The following RPS3 variants were observed in gnomAD, a reference collection of about 807,000 sequenced individuals.
RPS3 encodes small ribosomal subunit protein uS3.
Under a neutral mutation model 25.8 loss-of-function variants are expected in RPS3, and 2 were observed. The ratio of observed to expected loss-of-function variants is 0.08; its 90% CI spans 0.03 to 0.24. RPS3 has a LOEUF of 0.24. Among genes scored for constraint, RPS3 ranks in the 10% least tolerant of loss-of-function variants. The pLI is 1.00. For missense variants in RPS3, 107 were observed against 307.1 expected, an observed-to-expected ratio of 0.35 and a Z score of 4.87; for synonymous variants, 114 against 114.2, an observed-to-expected ratio of 1.00 and a Z score of 0.01.
chr11:75,413,436 T>G (rs539171105), intron 6 of RPS3, among the ~76,000 whole-genome samples: 1 of 152,216 alleles, frequency 6.6e-6, no homozygotes, highest in South Asian at 2.1e-4. Flanking sequence ...TTTTGTATTT[T>G]TAGTAGAGAC....
At chr11:75,400,434 C>T (rs1439503634) in intron 1 of RPS3, 1 of 571,158 alleles carries the variant, frequency 1.8e-6, no homozygotes, top group African/African-American at 1.9e-5. Context: ...GGGATGTTCT[C>T]TTTGCCCAGG....
At chr11:75,402,727 C>T (rs1948230047) in intron 4 of RPS3, 1 of 217,720 alleles carries the variant, frequency 4.6e-6, no homozygotes, top group African/African-American at 2.2e-5. Context: ...GGACCAACTC[C>T]TGTTGGTCTT....
chr11:75,410,078 C>A (rs1353488755), downstream of RPS3, among the ~76,000 whole-genome samples: 3 of 140,410 alleles, frequency 2.1e-5, no homozygotes, highest in Non-Finnish European at 3.0e-5. Context: ...CTGACCCCCC[C>A]CTCCCCCCTC....
At chr11:75,400,628 A>T in intron 1 of RPS3, 66 bp from the exon 2 acceptor site, 1 of 1,593,220 alleles carries the variant, frequency 6.3e-7, no homozygotes, top group Non-Finnish European at 8.6e-7. Context: ...ATAAGACTAG[A>T]CTGGCTCAGG....
At chr11:75,411,161 C>G (rs1443081740), downstream of RPS3, among the ~76,000 whole-genome samples, 4 of 152,074 alleles carry the variant, frequency 2.6e-5, no homozygotes, top group Admixed American at 6.5e-5. Flanking sequence ...CAGGCATGAG[C>G]CACCGTGCCC....
Position 75,404,619 on chromosome 11 carries a change from G to T in RPS3, c.539-53G>T. 5 of 1,552,584 alleles carry T rather than the reference G, an allele frequency of 3.2e-6. No individual in the cohort carries two copies. Among genetic ancestry groups the T allele is most frequent in the Non-Finnish European group, 4.4e-6 (5 of 1,127,468 alleles). On this transcript the variant is annotated intron_variant, in intron 5 of 6. Coordinates refer to ENST00000531188, the MANE Select transcript of RPS3 (RefSeq NM_001005.5). The surrounding 1 kb of genome is among the most constrained non-coding windows in gnomAD (Gnocchi z 4.6). ...CTGCTTGCTCTCTTTGGTCTTGTGT[G>T]ATGGGGGCCTTTGAGACCCCAGCTG...
intron 6 of RPS3, among the ~76,000 whole-genome samples, chr11:75,416,017 A>C (rs910405379): frequency 8.3e-4 from 127 of 152,176 alleles, no homozygotes; most frequent in African/African-American, 3.0e-3. Flanking sequence ...TCATTGTAGA[A>C]AACTTGGACA....
chr11:75,400,699 C>A lies in RPS3; in HGVS notation c.36C>A (p.Val12=). 1.2e-6 allele frequency: 2 copies of A among 1,612,180 alleles called. No homozygotes were observed. Among genetic ancestry groups the A allele is most frequent in the South Asian group, 2.2e-5 (2 of 90,980 alleles). The change falls in exon 2 of 7, where the codon GTC becomes GTA. Residue 12 remains valine, a synonymous_variant. Coordinates refer to ENST00000531188, the MANE Select transcript of RPS3 (RefSeq NM_001005.5). Reference sequence around the variant, plus strand: ...CTTTGCTTTGTTTGGATTAGTTTGTCGCTGATGGCATCTTCAAAGCTGAAC... The same window carrying A: ...CTTTGCTTTGTTTGGATTAGTTTGTAGCTGATGGCATCTTCAAAGCTGAAC... ...AVQISKKRKF[V]ADGIFKAELN...
intron 4 of RPS3, chr11:75,403,589 G>A (rs1001087129): frequency 6.5e-6 from 1 of 154,010 alleles, no homozygotes; most frequent in Non-Finnish European, 1.4e-5. Context: ...GACTTCGGAG[G>A]TTGCAGAGTA....
chr11:75,407,685 T>TGG (rs1948303028), downstream of RPS3, among the ~76,000 whole-genome samples: 1 of 152,038 alleles, frequency 6.6e-6, no homozygotes, highest in Non-Finnish European at 1.5e-5. Flanking sequence ...TTAGCCAGGA[T>TGG]GGTCTCGATC....
rs1487920652 is a variant in RPS3, at chr11:75,404,526, T to A, written c.539-146T>A. ...TGCACGAGTTCCTTTGGCAGAAGTGTCCTATTTATTGATCGATTTAGAGGC... is the reference window on the plus strand; with the variant it reads ...TGCACGAGTTCCTTTGGCAGAAGTGACCTATTTATTGATCGATTTAGAGGC... On this transcript the variant is annotated intron_variant, in intron 5 of 6. Transcript: ENST00000531188. This position sits in a 1 kb window ranked among gnomAD's most constrained non-coding sequence, Gnocchi z 4.6. 2 of 852,132 alleles carry A rather than the reference T, an allele frequency of 2.3e-6. No individual in the cohort carries two copies. The highest frequency in any genetic ancestry group is 4.1e-6 in the Non-Finnish European group (2 of 484,922). 52.8% of individuals were successfully genotyped at this position (852,132 alleles called of 1,614,324 possible).
At chr11:75,418,337 T>G (rs1378480365) in intron 6 of RPS3, among the ~76,000 whole-genome samples, 1 of 152,234 alleles carries the variant, frequency 6.6e-6, no homozygotes, top group East Asian at 1.9e-4. Context: ...TTTGACAGTT[T>G]TTGAACTGCC....
At chr11:75,403,999 C>G (rs1206740913) in intron 4 of RPS3, 21 bp from the exon 5 acceptor site, 1 of 1,604,904 alleles carries the variant, frequency 6.2e-7, no homozygotes, top group Non-Finnish European at 8.5e-7. Context: ...AACACAGTGG[C>G]TCTCTTCTGT....
chr11:75,404,864 A>G lies in RPS3; in HGVS notation c.731A>G (p.Ter244=), dbSNP rs1948262309. The G allele has an allele frequency of 6.2e-7, 1 of 1,602,952 alleles. No homozygotes were observed. The highest frequency in any genetic ancestry group is 1.1e-5 in the South Asian group (1 of 90,408). ...PAMPQPVPTA[*] ...ATGCCCCAGCCAGTCCCCACAGCAT[A>G]ACAGGTATGTCTGCAAGGGCAGGGG... The change falls in exon 6 of 7, where the codon TAA becomes TGA. Residue 244 remains the stop codon, a stop_retained_variant. Transcript: ENST00000531188. This position sits in a 1 kb window ranked among gnomAD's most constrained non-coding sequence, Gnocchi z 4.6.
intron 6 of RPS3, among the ~76,000 whole-genome samples, chr11:75,419,082 G>A (rs1187710318): frequency 6.6e-6 from 1 of 152,034 alleles, no homozygotes; most frequent in Non-Finnish European, 1.5e-5. Flanking sequence ...AGAGGGGGTG[G>A]GTGCCAAAGG....
At chr11:75,408,366 A>T (rs766195770), downstream of RPS3, among the ~76,000 whole-genome samples, 22 of 152,008 alleles carry the variant, frequency 1.4e-4, no homozygotes, top group Non-Finnish European at 2.9e-4. Flanking sequence ...TTTGCCAGAT[A>T]TGGAGGCTGA....
At chr11:75,402,235 C>T (rs2135052599) in intron 3 of RPS3, 117 bp from the exon 4 acceptor site, 1 of 1,508,618 alleles carries the variant, frequency 6.6e-7, no homozygotes, top group Non-Finnish European at 9.1e-7. Context: ...AGCATGCGGC[C>T]CGTGGGTTGG....
At chr11:75,402,654 C>A in intron 4 of RPS3, 1 of 442,276 alleles carries the variant, frequency 2.3e-6, no homozygotes, top group Non-Finnish European at 4.1e-6. Flanking sequence ...GTGGTCAGTC[C>A]TGTAATGGAG....
chr11:75,418,553 T>C (rs943899919), intron 6 of RPS3, among the ~76,000 whole-genome samples: 2 of 152,230 alleles, frequency 1.3e-5, no homozygotes, highest in African/African-American at 4.8e-5. Context: ...ATTTGTTTAA[T>C]GCACTCTTCT....
Sources: gnomAD v4.1 joint callset for allele counts (sites outside exome capture counted in the v4.1 genomes callset) on GRCh38, gnomAD v4.1.1 for gene constraint, Gnocchi (gnomAD v3.1) non-coding constraint, MANE v1.5 for transcripts, NCBI Gene and HGNC (gene_info 2026-07-23, HGNC 2026-07-21) for gene names.